The following KAT2B variants were observed in gnomAD, a reference collection of about 807,000 sequenced individuals.
KAT2B encodes the protein histone acetyltransferase KAT2B.
In KAT2B, 36 loss-of-function variants were observed where a neutral mutation model predicts 105.9. The ratio of observed to expected loss-of-function variants is 0.34; its 90% CI spans 0.26 to 0.45. The LOEUF (loss-of-function observed/expected upper bound fraction) is 0.45. KAT2B is among the 20% of genes least tolerant of loss of function. The pLI is 1.00. For synonymous variants in KAT2B, 397 were observed against 377.9 expected (o/e 1.05, Z -0.59); for missense variants, 820 against 1,021.6 (o/e 0.80, Z 2.69).
rs56091316 is a variant in KAT2B at position 20,149,495 on chromosome 3, CAAAAAAAAAA to C, written c.2305+1024_2305+1033del. On this transcript the variant is annotated intron_variant, in intron 17 of 17. Coordinates refer to ENST00000263754, the MANE Select transcript of KAT2B (RefSeq NM_003884.5). ...TGGGCACTGGAGGGAGACCGTATCTCAAAAAAAAAAAAAAAAAAAAAAAAATTGTGGAAGT... is the reference window on the plus strand; with the variant it reads ...TGGGCACTGGAGGGAGACCGTATCTCAAAAAAAAAAAAAAATTGTGGAAGT... Among the ~76,000 whole-genome samples, 18 of 42,444 alleles carry C rather than the reference CAAAAAAAAAA, an allele frequency of 4.2e-4. 1 individual carries two copies. The East Asian group carries it at 0.021, about 50-fold the overall frequency. The allele number at this position is 42,444 out of a possible 152,430, so 27.8% of individuals were successfully genotyped here. A position where few individuals can be genotyped will look rare whatever the true frequency, so the allele number is the denominator to read the frequency against.
At position 20,045,449 on chromosome 3, in the gene KAT2B, C is replaced by T. The variant is rs552446974; in HGVS notation, c.303+4669C>T. ...CACTGCAGCCTTGAACTCCTTGACT[C>T]AGGTGATCCTCCCACCTCAGCCTCT... On this transcript the variant is annotated intron_variant, in intron 1 of 17. Coordinates refer to ENST00000263754, the MANE Select transcript of KAT2B (RefSeq NM_003884.5). 2.6e-5 allele frequency among the ~76,000 whole-genome samples: 4 copies of T among 152,080 alleles called. No homozygotes were observed. The South Asian group carries it at 8.3e-4, about 32-fold the overall frequency.
chr3:20,146,233 G>C, intron 13 of KAT2B, 83 bp from the exon 14 acceptor site: 1 of 783,854 alleles, frequency 1.3e-6, no homozygotes, highest in Non-Finnish European at 2.2e-6. Context: ...GTTTTGTTAG[G>C]AAAACATTTC....
chr3:20,068,251 C>G (rs963460606), intron 1 of KAT2B, among the ~76,000 whole-genome samples: 1 of 150,784 alleles, frequency 6.6e-6, no homozygotes, highest in South Asian at 2.1e-4. Context: ...CTGCCTCGGC[C>G]TCCCAAAGTG....
At chr3:20,079,883 G>T (rs1477244527) in intron 2 of KAT2B, among the ~76,000 whole-genome samples, 1 of 152,112 alleles carries the variant, frequency 6.6e-6, no homozygotes, top group Non-Finnish European at 1.5e-5. Flanking sequence ...AGGAGCTGTG[G>T]GTCGGGCACA....
intron 2 of KAT2B, among the ~76,000 whole-genome samples, chr3:20,072,723 C>A (rs565923626): frequency 6.6e-6 from 1 of 152,204 alleles, no homozygotes; most frequent in South Asian, 2.1e-4. Context: ...TGAAACATGA[C>A]AATCGAGCTA....
chr3:20,087,493 CTTTTAA>C (rs1698641913), intron 2 of KAT2B, among the ~76,000 whole-genome samples: 1 of 152,004 alleles, frequency 6.6e-6, no homozygotes, highest in African/African-American at 2.4e-5. Flanking sequence ...ACCTCACATA[CTTTTAA>C]TTTTTTGTGG....
intron 1 of KAT2B, among the ~76,000 whole-genome samples, chr3:20,069,941 C>G (rs913547664): frequency 3.9e-5 from 6 of 152,200 alleles, no homozygotes; most frequent in African/African-American, 9.7e-5. Context: ...CAATTTCCTT[C>G]AAGAACATGG....
In KAT2B at chr3:20,095,385, C is replaced by G; in HGVS notation, c.553C>G (p.Gln185Glu). The G allele has an allele frequency of 6.3e-7, 1 of 1,591,366 alleles. No homozygotes were observed. The highest frequency in any genetic ancestry group is 8.6e-7 in the Non-Finnish European group (1 of 1,160,346). ...CAAGGAAGAAGATGCAGATACCAAACAAGTTTATTTCTATCTATTTAAGGT... is the reference window on the plus strand; with the variant it reads ...CAAGGAAGAAGATGCAGATACCAAAGAAGTTTATTTCTATCTATTTAAGGT... The part of the protein sequence containing the change: ...VHKEEDADTK[Q>E]VYFYLFKLLR... Residue 185 changes from glutamine (Q) to glutamate (E), a missense_variant, in exon 3 of 18, where the codon CAA becomes GAA. Around this residue, in one of 6 missense-constraint regions of KAT2B, gnomAD observed 173 missense variants for 249.5 expected, o/e 0.69. Transcript: ENST00000263754.
chr3:20,086,886 A>G lies in KAT2B; in HGVS notation c.431-8377A>G, dbSNP rs918069972. ...AACCTCCACCTCCTGGATTCAAGTC[A>G]TTCTCCTGCCTCAGCCTCCCAAGTA... On this transcript the variant is annotated intron_variant, in intron 2 of 17. Transcript: ENST00000263754. Among the ~76,000 whole-genome samples, 9 of 151,682 alleles carry G rather than the reference A, an allele frequency of 5.9e-5. No individual in the cohort carries two copies. The South Asian group carries it at 1.2e-3, about 21-fold the overall frequency.
At chr3:20,089,621 C>A (rs1369935736) in intron 2 of KAT2B, among the ~76,000 whole-genome samples, 1 of 151,998 alleles carries the variant, frequency 6.6e-6, no homozygotes, top group East Asian at 1.9e-4. Context: ...AGGCTGGTCT[C>A]AAGCTCCTGA....
intron 1 of KAT2B, among the ~76,000 whole-genome samples, chr3:20,051,199 CA>C (rs61279125): frequency 6.0e-4 from 68 of 113,492 alleles, no homozygotes; most frequent in East Asian, 7.6e-4. Flanking sequence ...TACTCTGTCT[CA>C]AAAAAAAAAA....
chr3:20,132,721 A>AT (rs1699532013), intron 11 of KAT2B, among the ~76,000 whole-genome samples: 1 of 152,234 alleles, frequency 6.6e-6, no homozygotes. Context: ...TCTGGAAAAG[A>AT]TTTTTGGAGA....
chr3:20,140,864 TA>T (rs1051661759), intron 13 of KAT2B, among the ~76,000 whole-genome samples: 1 of 151,650 alleles, frequency 6.6e-6, no homozygotes, highest in Non-Finnish European at 1.5e-5. Flanking sequence ...CATTACTTTT[TA>T]AATTTGTGTA....
chr3:20,149,495 C>CAAAAAAAAAAAA lies in KAT2B; in HGVS notation c.2305+1022_2305+1033dup, dbSNP rs56091316. Among the ~76,000 whole-genome samples, 248 of 42,420 alleles carry CAAAAAAAAAAAA rather than the reference C, an allele frequency of 5.8e-3. 21 individuals carry two copies. The highest frequency in any genetic ancestry group is 0.02 in the East Asian group (10 of 506). 27.8% of individuals were successfully genotyped at this position (42,420 alleles called of 152,430 possible). ...TGGGCACTGGAGGGAGACCGTATCTCAAAAAAAAAAAAAAAAAAAAAAAAA... is the reference window on the plus strand; with the variant it reads ...TGGGCACTGGAGGGAGACCGTATCTCAAAAAAAAAAAAAAAAAAAAAAAAAAAAAAAAAAAAA... On this transcript the variant is annotated intron_variant, in intron 17 of 17. Coordinates refer to ENST00000263754, the MANE Select transcript of KAT2B (RefSeq NM_003884.5).
In KAT2B at chr3:20,089,550, G is replaced by A. The variant is rs529304897; in HGVS notation, c.431-5713G>A. 1.4e-4 allele frequency among the ~76,000 whole-genome samples: 22 copies of A among 151,874 alleles called. No individual in the cohort carries two copies. In the South Asian group the frequency reaches 2.5e-3, roughly 17 times the overall value. Reference sequence around the variant, plus strand: ...TGAGTAGCTGAGATTACAGGCGTGCGCCACCATGCCCGGCTAATTTTTTTT... The same window carrying A: ...TGAGTAGCTGAGATTACAGGCGTGCACCACCATGCCCGGCTAATTTTTTTT... On this transcript the variant is annotated intron_variant, in intron 2 of 17. Transcript: ENST00000263754.
intron 5 of KAT2B, among the ~76,000 whole-genome samples, chr3:20,106,016 C>T (rs1451756212): frequency 6.6e-6 from 1 of 152,138 alleles, no homozygotes; most frequent in African/African-American, 2.4e-5. Context: ...GATCTGACTT[C>T]TAGTCTGGAC....
At chr3:20,043,610 C>T (rs967565536) in intron 1 of KAT2B, among the ~76,000 whole-genome samples, 3 of 151,966 alleles carry the variant, frequency 2.0e-5, no homozygotes, top group Admixed American at 2.0e-4. Context: ...TGGAGGTGGG[C>T]CAACTGAGCC....
chr3:20,044,872 A>C (rs532085345), intron 1 of KAT2B, among the ~76,000 whole-genome samples: 2 of 152,354 alleles, frequency 1.3e-5, no homozygotes, highest in East Asian at 3.8e-4. Context: ...CGAATGAACC[A>C]GAGAAGAGAA....
chr3:20,079,042 C>G (rs1698471836), intron 2 of KAT2B, among the ~76,000 whole-genome samples: 1 of 150,720 alleles, frequency 6.6e-6, no homozygotes, highest in South Asian at 2.1e-4. Flanking sequence ...TACCACCACA[C>G]CCAGCTAATT....
Sources: gnomAD v4.1 joint callset for allele counts (sites outside exome capture counted in the v4.1 genomes callset) on GRCh38, gnomAD v4.1.1 for gene constraint, gnomAD v4.1.1 regional missense constraint, MANE v1.5 for transcripts, NCBI Gene and HGNC (gene_info 2026-07-23, HGNC 2026-07-21) for gene names.